The following METAP2 variants were observed in gnomAD, a reference collection of about 807,000 sequenced individuals.
METAP2 encodes the protein methionyl aminopeptidase 2, also known as methionine aminopeptidase 2.
A neutral mutation model predicts 59.4 loss-of-function variants in METAP2; 25 were observed. The ratio of observed to expected loss-of-function variants is 0.42; its 90% CI spans 0.31 to 0.59. The LOEUF is 0.59. Among genes scored for constraint, METAP2 ranks in the 20% least tolerant of loss-of-function variants. METAP2 has a pLI of 0.16. For missense variants in METAP2, 366 were observed against 581.2 expected (o/e 0.63, Z 3.81); for synonymous variants, 214 against 194.1 (o/e 1.10, Z -0.85).
At chr12:95,509,846 C>CT (rs1477724803) in intron 8 of METAP2, among the ~76,000 whole-genome samples, 1 of 147,794 alleles carries the variant, frequency 6.8e-6, no homozygotes, top group African/African-American at 2.5e-5. Flanking sequence ...TCCCCCCCAA[C>CT]CTTTTTTTTT....
chr12:95,495,319 C>T (rs537749702), intron 6 of METAP2, among the ~76,000 whole-genome samples, 181 bp downstream of exon 6: 1 of 152,108 alleles, frequency 6.6e-6, no homozygotes, highest in Non-Finnish European at 1.5e-5. Context: ...GAGAGAGAGG[C>T]AGTTGTGACA....
chr12:95,498,263 G>C (rs1385880321), intron 7 of METAP2, among the ~76,000 whole-genome samples: 1 of 152,084 alleles, frequency 6.6e-6, no homozygotes, highest in African/African-American at 2.4e-5. Context: ...GAGCCACCCT[G>C]CCCAGCTCTT....
chr12:95,491,677 A>G (rs753671418), intron 4 of METAP2, among the ~76,000 whole-genome samples: 3 of 151,748 alleles, frequency 2.0e-5, no homozygotes, highest in Non-Finnish European at 2.9e-5. Flanking sequence ...TGCCTGGGTA[A>G]CTTTTTGTAT....
chr12:95,491,531 G>A (rs1262820809), intron 4 of METAP2, among the ~76,000 whole-genome samples: 1 of 152,146 alleles, frequency 6.6e-6, no homozygotes, highest in Non-Finnish European at 1.5e-5. Flanking sequence ...ATGTTTTTGA[G>A]ACAGGGCCTC....
chr12:95,485,051 TGTTA>T (rs1358911304), intron 3 of METAP2, among the ~76,000 whole-genome samples: 1 of 152,228 alleles, frequency 6.6e-6, no homozygotes, highest in Non-Finnish European at 1.5e-5. Flanking sequence ...AAATTATAAA[TGTTA>T]GTTAATGATA....
At chr12:95,485,087 G>T (rs1426371619) in intron 3 of METAP2, among the ~76,000 whole-genome samples, 1 of 152,112 alleles carries the variant, frequency 6.6e-6, no homozygotes, top group African/African-American at 2.4e-5. Context: ...GATTATTACA[G>T]ATAATTCATA....
At chr12:95,500,836 CTT>C (rs2076309743) in intron 7 of METAP2, among the ~76,000 whole-genome samples, 1 of 151,972 alleles carries the variant, frequency 6.6e-6, no homozygotes, top group Non-Finnish European at 1.5e-5. Flanking sequence ...CTATAGTTTT[CTT>C]ATAGTGTCTT....
At chr12:95,484,708 ACT>A (rs1312863280) in intron 3 of METAP2, 1 of 357,602 alleles carries the variant, frequency 2.8e-6, no homozygotes, top group Non-Finnish European at 5.3e-6. Flanking sequence ...TTTATGAGGT[ACT>A]CTTTTTTTTT....
At chr12:95,504,618 T>G (rs778498977) in intron 8 of METAP2, among the ~76,000 whole-genome samples, 5 of 152,212 alleles carry the variant, frequency 3.3e-5, no homozygotes, top group African/African-American at 4.8e-5. Context: ...TCCTCCCACC[T>G]TAGCCCTCCC....
intron 8 of METAP2, among the ~76,000 whole-genome samples, chr12:95,510,690 G>A (rs1312721641): frequency 2.6e-5 from 4 of 152,302 alleles, no homozygotes; most frequent in Middle Eastern, 3.4e-3. Context: ...CCTGCCTCTA[G>A]TGAGCCACCA....
rs540202398 is a variant in METAP2 at position 95,501,007 on chromosome 12, A to ATTT, written c.868-3036_868-3034dup. On this transcript the variant is annotated intron_variant, in intron 7 of 10. Transcript: ENST00000323666. Reference sequence around the variant, plus strand: ...AGGTTCAAAGTTTTCCTTTGTTGGGATTTTTTTTTTTTTTTTTTTTTTTTG... The same window carrying ATTT: ...AGGTTCAAAGTTTTCCTTTGTTGGGATTTTTTTTTTTTTTTTTTTTTTTTTTTG... Among the ~76,000 whole-genome samples, 678 of 103,522 alleles carry ATTT rather than the reference A, an allele frequency of 6.5e-3. 11 individuals carry two copies. The highest frequency in any genetic ancestry group is 0.014 in the African/African-American group (373 of 27,202). The allele number at this position is 103,522 out of a possible 152,430, so 67.9% of individuals were successfully genotyped here.
intron 6 of METAP2, 105 bp from the exon 7 acceptor site, chr12:95,495,899 A>G (rs987772907): frequency 5.7e-6 from 4 of 697,504 alleles, no homozygotes; most frequent in African/African-American, 1.8e-5. Flanking sequence ...TTGAGCCTTC[A>G]TTCTATTTTT....
intron 7 of METAP2, among the ~76,000 whole-genome samples, chr12:95,500,305 G>C (rs137878668): frequency 5.3e-5 from 8 of 152,060 alleles, no homozygotes; most frequent in Non-Finnish European, 1.0e-4. Flanking sequence ...TCTTTTGTGT[G>C]GAATCTTTAG....
chr12:95,481,298 C>G (rs569844391), intron 2 of METAP2, among the ~76,000 whole-genome samples: 2 of 152,252 alleles, frequency 1.3e-5, no homozygotes, highest in African/African-American at 4.8e-5. Context: ...GTAGTCTCAG[C>G]TATTCAGGAA....
At chr12:95,494,034 G>GTAT in intron 4 of METAP2, 22 bp from the exon 5 acceptor site, 4 of 1,606,722 alleles carry the variant, frequency 2.5e-6, no homozygotes, top group Non-Finnish European at 3.4e-6. Flanking sequence ...ATCACTAATA[G>GTAT]TATTCTATGC....
At position 95,513,851 on chromosome 12, in the gene METAP2, A is replaced by G. The variant is rs1436404577; in HGVS notation, c.1384A>G (p.Ile462Val). 6.2e-7 allele frequency: 1 copy of G among 1,614,204 alleles called. No homozygotes were observed. Residue 462 changes from isoleucine to valine, a missense_variant, in exon 11 of 11, where the codon ATC (isoleucine) becomes GTC (valine). Transcript: ENST00000323666. ...ATATACAGCGCAATTTGAACATACCATCCTGTTGCGTCCAACATGTAAAGA... is the reference window on the plus strand; with the variant it reads ...ATATACAGCGCAATTTGAACATACCGTCCTGTTGCGTCCAACATGTAAAGA... ...GSYTAQFEHTILLRPTCKEVV... is the reference protein window; with the variant it reads ...GSYTAQFEHTVLLRPTCKEVV...
intron 2 of METAP2, among the ~76,000 whole-genome samples, chr12:95,481,164 G>T (rs1339559736): frequency 3.3e-5 from 5 of 152,196 alleles, no homozygotes; most frequent in African/African-American, 1.2e-4. Flanking sequence ...CAGGCCTGGT[G>T]GCTCATGCCT....
At chr12:95,498,987 G>T (rs941065130) in intron 7 of METAP2, among the ~76,000 whole-genome samples, 2 of 150,552 alleles carry the variant, frequency 1.3e-5, no homozygotes, top group African/African-American at 4.9e-5. Flanking sequence ...CTGCGTTCCA[G>T]CCTGGGTAAA....
chr12:95,493,457 GA>G (rs1240752352), intron 4 of METAP2, among the ~76,000 whole-genome samples: 1 of 152,214 alleles, frequency 6.6e-6, no homozygotes, highest in Non-Finnish European at 1.5e-5. Context: ...CTGGGTAACA[GA>G]GTAAGACCCT....
Sources: gnomAD v4.1 joint callset for allele counts (sites outside exome capture counted in the v4.1 genomes callset) on GRCh38, gnomAD v4.1.1 for gene constraint, MANE v1.5 for transcripts, NCBI Gene and HGNC (gene_info 2026-07-23, HGNC 2026-07-21) for gene names.